The following MYO3A variants were observed in gnomAD, a reference collection of about 807,000 sequenced individuals.
The protein encoded by MYO3A is myosin-IIIa.
A neutral mutation model predicts 192.7 loss-of-function variants in MYO3A; 180 were observed. That is an observed-to-expected ratio of 0.93 (90% CI 0.83 to 1.06). The LOEUF (loss-of-function observed/expected upper bound fraction) is 1.06. Among genes scored for constraint, MYO3A ranks in the 50% least tolerant of loss-of-function variants. The pLI is 0.00. For missense variants in MYO3A, 1,896 were observed against 1,905.0 expected (o/e 1.00, Z 0.09); for synonymous variants, 628 against 645.3 (o/e 0.97, Z 0.41).
intron 17 of MYO3A, among the ~76,000 whole-genome samples, chr10:26,116,013 T>C (rs115927112): frequency 9.9e-4 from 151 of 152,290 alleles, no homozygotes; most frequent in African/African-American, 3.5e-3. Flanking sequence ...CTTTACTGTG[T>C]CTCACATATT....
intron 17 of MYO3A, among the ~76,000 whole-genome samples, chr10:26,111,816 A>C (rs10828953): frequency 0.32 from 48,120 of 152,040 alleles, 7,823 homozygotes; most frequent in Middle Eastern, 0.45. Context: ...AGCTAATAGA[A>C]GCTCAGGGCA....
chr10:26,115,149 A>G (rs753810719), intron 17 of MYO3A, among the ~76,000 whole-genome samples: 41 of 152,296 alleles, frequency 2.7e-4, no homozygotes, highest in Admixed American at 1.0e-3. Flanking sequence ...AATAGGGGCC[A>G]TTGAAGGATT....
intron 4 of MYO3A, among the ~76,000 whole-genome samples, chr10:25,985,762 C>T (rs1225535211): frequency 3.3e-5 from 5 of 152,132 alleles, no homozygotes; most frequent in Admixed American, 3.3e-4. Flanking sequence ...TTCTATCAGA[C>T]ATTCAAAGAA....
intron 4 of MYO3A, among the ~76,000 whole-genome samples, chr10:25,990,570 GTTACATA>G (rs1352429578): frequency 6.6e-6 from 1 of 151,362 alleles, no homozygotes; most frequent in East Asian, 1.9e-4. Context: ...ATGCAGGTTT[GTTACATA>G]TGTATACATG....
At chr10:26,148,453 T>G (rs1840602038) in intron 23 of MYO3A, among the ~76,000 whole-genome samples, 1 of 152,226 alleles carries the variant, frequency 6.6e-6, no homozygotes, top group South Asian at 2.1e-4. Context: ...GACTTTGTTC[T>G]TATTCAGGCT....
At chr10:26,128,733 T>C (rs914556007) in intron 20 of MYO3A, among the ~76,000 whole-genome samples, 195 bp downstream of exon 20, 12 of 152,320 alleles carry the variant, frequency 7.9e-5, no homozygotes, top group South Asian at 4.1e-4. Flanking sequence ...GTGACTGATA[T>C]GTGATGTTAA....
At chr10:26,186,234 G>T (rs965623784) in intron 31 of MYO3A, among the ~76,000 whole-genome samples, 1 of 148,174 alleles carries the variant, frequency 6.7e-6, no homozygotes, top group Admixed American at 6.7e-5. Flanking sequence ...GCATACACTT[G>T]TCCTGACATC....
chr10:25,968,299 A>T (rs79076891), intron 4 of MYO3A, among the ~76,000 whole-genome samples: 8,227 of 152,306 alleles, frequency 0.054, 271 homozygotes, highest in African/African-American at 0.077. Context: ...TTCTGTATTC[A>T]GTGAAAATGT....
intron 2 of MYO3A, among the ~76,000 whole-genome samples, chr10:25,947,389 C>CT (rs869281200): frequency 0.093 from 8,528 of 91,778 alleles, 464 homozygotes; most frequent in African/African-American, 0.12. Flanking sequence ...TTTTCTTTTT[C>CT]TTTTTTTTTT....
chr10:25,954,561 C>A (rs1395228194), intron 3 of MYO3A, among the ~76,000 whole-genome samples: 1 of 151,898 alleles, frequency 6.6e-6, no homozygotes, highest in Non-Finnish European at 1.5e-5. Context: ...GTTAATAATA[C>A]AAAAAAGCAA....
At position 26,063,979 on chromosome 10, in the gene MYO3A, G is replaced by A. The variant is rs550320255; in HGVS notation, c.954-2996G>A. ...TGCCAGGCACTGTTAACAGCTGCTG[G>A]GGACACAGCAGTGAACAATACAGGT... is the stretch of plus-strand genomic sequence containing the variant. On this transcript the variant is annotated intron_variant, in intron 10 of 34. Coordinates refer to ENST00000642920, the MANE Select transcript of MYO3A (RefSeq NM_017433.5). Among the ~76,000 whole-genome samples the A allele has an allele frequency of 4.9e-4, 75 of 152,252 alleles. No individual in the cohort carries two copies. In the Middle Eastern group the frequency reaches 0.017, roughly 35 times the overall value.
At chr10:26,165,966 ATCTCTTCC>A in intron 26 of MYO3A, 93 bp from the exon 27 acceptor site, 1 of 964,552 alleles carries the variant, frequency 1.0e-6, no homozygotes, top group East Asian at 2.4e-5. Flanking sequence ...AAGTCTGGGC[ATCTCTTCC>A]TCAGCCCCTG....
intron 32 of MYO3A, among the ~76,000 whole-genome samples, chr10:26,196,876 G>A (rs938420325): frequency 2.0e-5 from 3 of 152,126 alleles, no homozygotes; most frequent in African/African-American, 4.8e-5. Context: ...CATACAATGT[G>A]TAATGATCAA....
chr10:26,121,652 G>A (rs1011356808), intron 18 of MYO3A, among the ~76,000 whole-genome samples: 2 of 152,168 alleles, frequency 1.3e-5, no homozygotes, highest in Admixed American at 6.5e-5. Flanking sequence ...CGAGGAGGCT[G>A]AGGCAGGAGA....
chr10:26,096,745 A>G, intron 17 of MYO3A, 63 bp downstream of exon 17: 1 of 1,157,210 alleles, frequency 8.6e-7, no homozygotes, highest in Non-Finnish European at 1.3e-6. Context: ...TAATGTTAAG[A>G]GCATTTATTG....
chr10:26,046,105 A>G (rs1404323924), intron 10 of MYO3A, among the ~76,000 whole-genome samples: 2 of 152,292 alleles, frequency 1.3e-5, no homozygotes, highest in East Asian at 3.9e-4. Flanking sequence ...TAGCAACTTA[A>G]TCAAACCCAA....
intron 8 of MYO3A, among the ~76,000 whole-genome samples, chr10:26,023,710 A>G (rs192916332): frequency 1.4e-4 from 22 of 152,280 alleles, no homozygotes; most frequent in Admixed American, 8.5e-4. Context: ...CCCAGTATCT[A>G]TTGTTTCTAT....
chr10:26,108,471 G>T (rs763237560), intron 17 of MYO3A, among the ~76,000 whole-genome samples: 38 of 152,298 alleles, frequency 2.5e-4, no homozygotes, highest in Admixed American at 4.6e-4. Flanking sequence ...GTGTAGAAAT[G>T]CTAATAGACG....
At chr10:26,200,669 C>A (rs1189233724) in intron 32 of MYO3A, among the ~76,000 whole-genome samples, 1 of 152,170 alleles carries the variant, frequency 6.6e-6, no homozygotes, top group African/African-American at 2.4e-5. Context: ...ATTTGCGTAT[C>A]TTAATTTGTT....
Sources: allele counts gnomAD v4.1 joint callset (sites outside exome capture counted in the v4.1 genomes callset), GRCh38; gene constraint gnomAD v4.1.1; transcripts MANE v1.5; gene names NCBI Gene and HGNC (gene_info 2026-07-23, HGNC 2026-07-21).